The following SKA3 variants were observed in gnomAD, a reference collection of about 807,000 sequenced individuals.
SKA3 encodes the protein spindle and kinetochore associated complex subunit 3.
In SKA3, 39 loss-of-function variants were observed where a neutral mutation model predicts 44.2. The ratio of observed to expected loss-of-function variants is 0.88; its 90% CI spans 0.68 to 1.15. The LOEUF (loss-of-function observed/expected upper bound fraction) is 1.15, where lower values mean the gene tolerates loss of function less well. Ranked by LOEUF, SKA3 falls within the 50% of genes most tolerant of loss-of-function variation. The pLI is 0.00. For synonymous variants in SKA3, 192 were observed against 172.0 expected (o/e 1.12, Z -0.91); for missense variants, 511 against 485.8 (o/e 1.05, Z -0.49).
chr13:21,174,792 A>C (rs78196216), intron 1 of SKA3, among the ~76,000 whole-genome samples: 1 of 127,046 alleles, frequency 7.9e-6, no homozygotes, highest in African/African-American at 2.8e-5. Context: ...ACAACAACAA[A>C]AAGCGCATTT....
intron 1 of SKA3, among the ~76,000 whole-genome samples, chr13:21,174,763 T>A (rs1210619641): frequency 1.5e-5 from 1 of 64,566 alleles, no homozygotes; most frequent in Non-Finnish European, 3.3e-5. Context: ...AAGTGCGTAC[T>A]GCTCCAACAA....
intron 3 of SKA3, among the ~76,000 whole-genome samples, chr13:21,171,534 G>A (rs1430275805): frequency 2.0e-5 from 3 of 149,898 alleles, no homozygotes; most frequent in African/African-American, 7.4e-5. Context: ...CCGAGATCGC[G>A]CCACTGCACG....
Position 21,155,830 on chromosome 13 carries a change from A to T in SKA3, c.1120-19T>A. 1 of 1,293,200 alleles carries T rather than the reference A, an allele frequency of 7.7e-7. No individual in the cohort carries two copies. The highest frequency in any genetic ancestry group is 1.1e-6 in the Non-Finnish European group (1 of 899,334). The allele number at this position is 1,293,200 out of a possible 1,614,324, so 80.1% of individuals were successfully genotyped here. On this transcript the variant is annotated intron_variant, in intron 7 of 8. Transcript: ENST00000314759. ...ATAAAAGCTAAAAAAAAAAAAGGAA[A>T]TTCCTTTTTATCGAGCCATATGAAT...
intron 5 of SKA3, among the ~76,000 whole-genome samples, chr13:21,160,977 G>A (rs528060028): frequency 6.6e-5 from 10 of 152,206 alleles, no homozygotes; most frequent in African/African-American, 2.2e-4. Flanking sequence ...ACAAACATTA[G>A]CTGGGCATGG....
At position 21,158,088 on chromosome 13, in the gene SKA3, G is replaced by T; in HGVS notation, c.953C>A (p.Ser318Ter). The T allele has an allele frequency of 6.2e-7, 1 of 1,611,894 alleles. No individual in the cohort carries two copies. Among genetic ancestry groups the T allele is most frequent in the South Asian group, 1.1e-5 (1 of 90,992 alleles). The change falls in exon 7 of 9, where the codon TCA becomes TAA. Residue 318 changes from serine to a stop codon, truncating the protein, a stop_gained. Transcript: ENST00000314759. LOFTEE classifies it high-confidence loss of function. ...TNYPLSKTNSSSNDLEVEDRT... is the reference protein window; with the variant it reads ...TNYPLSKTNS ...ATCTTCAACTTCCAAATCATTTGAT[G>T]AACTATTTGTTTTTGATAATGGGTA...
chr13:21,176,040 A>C (rs1245748421), intron 1 of SKA3, among the ~76,000 whole-genome samples: 1 of 152,240 alleles, frequency 6.6e-6, no homozygotes, highest in East Asian at 1.9e-4. Flanking sequence ...TATGAGCTCA[A>C]TCTGTTAATT....
Position 21,159,459 on chromosome 13 carries a change from CAT to C in SKA3, c.915+441_915+442del, listed in dbSNP as rs535100293. 2.0e-4 allele frequency among the ~76,000 whole-genome samples: 31 copies of C among 152,242 alleles called. No individual in the cohort carries two copies. In the South Asian group the frequency reaches 5.8e-3, roughly 28 times the overall value. The stretch of plus-strand genomic sequence containing the variant: ...ATATGTGTGTGTGTACATACACACA[CAT>C]CATTTTCCATATGATTAATATTTCT... On this transcript the variant is annotated intron_variant, in intron 6 of 8. Transcript: ENST00000314759.
At chr13:21,174,135 T>C (rs1308127289) in intron 1 of SKA3, among the ~76,000 whole-genome samples, 1 of 152,234 alleles carries the variant, frequency 6.6e-6, no homozygotes, top group Admixed American at 6.5e-5. Context: ...TTTTACACTG[T>C]TGGTAGGACT....
At chr13:21,170,751 C>T (rs55666146) in intron 3 of SKA3, among the ~76,000 whole-genome samples, 63,113 of 151,874 alleles carry the variant, frequency 0.42, 14,873 homozygotes, top group East Asian at 0.71. Context: ...ATTATTATCC[C>T]CATCTTATAA....
At chr13:21,176,307 C>T (rs1052221913) in intron 1 of SKA3, 68 bp downstream of exon 1, 4 of 1,193,084 alleles carry the variant, frequency 3.4e-6, no homozygotes, top group African/African-American at 3.2e-5. Flanking sequence ...GACATACCGT[C>T]CACTCGCCAC....
At chr13:21,160,290 CTGACAA>C (rs1870366365) in intron 5 of SKA3, among the ~76,000 whole-genome samples, 1 of 152,098 alleles carries the variant, frequency 6.6e-6, no homozygotes, top group Non-Finnish European at 1.5e-5. Flanking sequence ...TATCAAACTT[CTGACAA>C]AGGAGGAGGA....
chr13:21,174,911 T>A (rs1169258888), intron 1 of SKA3, among the ~76,000 whole-genome samples: 1 of 122,834 alleles, frequency 8.1e-6, no homozygotes, highest in Admixed American at 7.7e-5. Flanking sequence ...CCTTGATGAC[T>A]AATGAAATTT....
chr13:21,164,148 A>C (rs572192280), intron 4 of SKA3, among the ~76,000 whole-genome samples: 13 of 152,296 alleles, frequency 8.5e-5, no homozygotes, highest in Non-Finnish European at 1.8e-4. Flanking sequence ...GGTTTTTAAA[A>C]CCTGTTATGT....
In SKA3 at chr13:21,168,221, T is replaced by C. The variant is rs774671124; in HGVS notation, c.510A>G (p.Gln170=). The C allele has an allele frequency of 8.1e-6, 13 of 1,614,226 alleles. No individual in the cohort carries two copies. Among genetic ancestry groups the C allele is most frequent in the East Asian group, 4.5e-5 (2 of 44,890 alleles). Residue 170 remains glutamine, a synonymous_variant, in exon 4 of 9, where the codon CAA becomes CAG. Transcript: ENST00000314759. Reference sequence around the variant, plus strand: ...CTGCCTGTGGAGGGTTTGGTAGAACTTGGGATACGATGTACCGCTCAAGTC... The same window carrying C: ...CTGCCTGTGGAGGGTTTGGTAGAACCTGGGATACGATGTACCGCTCAAGTC... ...DFGLERYIVS[Q]VLPNPPQAVN...
chr13:21,159,827 C>T (rs927247507), intron 6 of SKA3, 75 bp downstream of exon 6: 3 of 1,133,102 alleles, frequency 2.6e-6, no homozygotes, highest in Non-Finnish European at 3.8e-6. Context: ...TAAACAGACT[C>T]TTTGAGCCTG....
chr13:21,160,119 T>C (rs1870356650), intron 5 of SKA3, 132 bp from the exon 6 acceptor site: 1 of 540,404 alleles, frequency 1.9e-6, no homozygotes. Context: ...GCAAGAGTAA[T>C]ACACAATAAC....
At chr13:21,171,352 G>A (rs1338534591) in intron 3 of SKA3, among the ~76,000 whole-genome samples, 2 of 152,090 alleles carry the variant, frequency 1.3e-5, no homozygotes, top group Non-Finnish European at 2.9e-5. Context: ...CGAGACAGGC[G>A]GATCACGAGG....
At chr13:21,167,594 G>A (rs146948374) in intron 4 of SKA3, among the ~76,000 whole-genome samples, 2,387 of 151,974 alleles carry the variant, frequency 0.016, 37 homozygotes, top group Middle Eastern at 0.048. Context: ...GTGAAACCCC[G>A]TCTGTACTAA....
At chr13:21,157,561 T>C (rs1220386378) in intron 7 of SKA3, among the ~76,000 whole-genome samples, 1 of 152,228 alleles carries the variant, frequency 6.6e-6, no homozygotes, top group African/African-American at 2.4e-5. Context: ...ATGCAGCACA[T>C]GACTATATTC....
Sources: allele counts gnomAD v4.1 joint callset (sites outside exome capture counted in the v4.1 genomes callset), GRCh38; gene constraint gnomAD v4.1.1; transcripts MANE v1.5; gene names NCBI Gene and HGNC (gene_info 2026-07-23, HGNC 2026-07-21).